The following IQCH variants were observed in gnomAD, a reference collection of about 807,000 sequenced individuals.
IQCH encodes IQ motif containing H.
In IQCH, 98 loss-of-function variants were observed where a neutral mutation model predicts 117.0. The ratio of observed to expected loss-of-function variants is 0.84; its 90% CI spans 0.71 to 0.99. The LOEUF (loss-of-function observed/expected upper bound fraction) is 0.99, where lower values mean the gene tolerates loss of function less well. IQCH is among the 50% of genes least tolerant of loss of function. The pLI, the probability that IQCH is intolerant of heterozygous loss-of-function variation, is 0.00. For missense variants in IQCH, 1,102 were observed against 1,243.8 expected (o/e 0.89, Z 1.72); for synonymous variants, 412 against 448.2 (o/e 0.92, Z 1.02).
chr15:67,349,297 G>A (rs1231942215), intron 6 of IQCH, among the ~76,000 whole-genome samples: 1 of 152,094 alleles, frequency 6.6e-6, no homozygotes, highest in Non-Finnish European at 1.5e-5. Flanking sequence ...ATACTCTTTG[G>A]AACACAGTGT....
rs1218946131 is a variant in IQCH at position 67,386,082 on chromosome 15, C to CA, written c.1456+1071dup. Among the ~76,000 whole-genome samples the CA allele has an allele frequency of 2.0e-5, 3 of 151,872 alleles. No homozygotes were observed. Among genetic ancestry groups the CA allele is most frequent in the South Asian group, 2.1e-4 (1 of 4,822 alleles). On this transcript the variant is annotated intron_variant, in intron 11 of 20. Transcript: ENST00000335894. The surrounding 1 kb of genome is among the most constrained non-coding windows in gnomAD (Gnocchi z 5.0). ...GCACTCAGATTGTTTTTCAGCATTACAAAAAAAATTTTTAATGACTTAAGA... is the reference window on the plus strand; with the variant it reads ...GCACTCAGATTGTTTTTCAGCATTACAAAAAAAAATTTTTAATGACTTAAGA...
At position 67,445,871 on chromosome 15, in the gene IQCH, C is replaced by T. The variant is rs894351010; in HGVS notation, c.2506-19256C>T. 5.3e-5 allele frequency among the ~76,000 whole-genome samples: 8 copies of T among 152,216 alleles called. No individual in the cohort carries two copies. The highest frequency in any genetic ancestry group is 1.9e-4 in the African/African-American group (8 of 41,446). On this transcript the variant is annotated intron_variant, in intron 16 of 20. Transcript: ENST00000335894. This position sits in a 1 kb window ranked among gnomAD's most constrained non-coding sequence, Gnocchi z 4.3. ...AATGCAACAAAATTCACCTCCCATA[C>T]AGAGGACACAGGTAGGAAATATAAA...
Position 67,387,347 on chromosome 15 carries a change from G to T in IQCH, c.1457-1484G>T, listed in dbSNP as rs1353954821. Among the ~76,000 whole-genome samples the T allele has an allele frequency of 6.6e-6, 1 of 152,100 alleles. No individual in the cohort carries two copies. Reference sequence around the variant, plus strand: ...CTATGTATGTATGCCCTGCGTCTAGGTGTAAAAGACCTTCCCAACTTTGCG... The same window carrying T: ...CTATGTATGTATGCCCTGCGTCTAGTTGTAAAAGACCTTCCCAACTTTGCG... On this transcript the variant is annotated intron_variant, in intron 11 of 20. Transcript: ENST00000335894. This position sits in a 1 kb window ranked among gnomAD's most constrained non-coding sequence, Gnocchi z 4.8.
rs1201675686 is a variant in IQCH at position 67,384,079 on chromosome 15, A to G, written c.1373-857A>G. ...TGTGTGTTTGGGCTCACTAACCACA[A>G]GGAGGCATTGAAGCATCTCTTCAAA... is the stretch of plus-strand genomic sequence containing the variant. On this transcript the variant is annotated intron_variant, in intron 10 of 20. Coordinates refer to ENST00000335894, the MANE Select transcript of IQCH (RefSeq NM_001031715.3). This position sits in a 1 kb window ranked among gnomAD's most constrained non-coding sequence, Gnocchi z 4.3. Among the ~76,000 whole-genome samples, 1 of 152,222 alleles carries G rather than the reference A, an allele frequency of 6.6e-6. No individual in the cohort carries two copies. The highest frequency in any genetic ancestry group is 1.5e-5 in the Non-Finnish European group (1 of 68,030).
intron 14 of IQCH, among the ~76,000 whole-genome samples, chr15:67,409,340 A>G (rs2081384455): frequency 6.6e-6 from 1 of 152,192 alleles, no homozygotes. Context: ...GGGTGAGCCT[A>G]GAAAGAAAAC....
chr15:67,395,374 G>C lies in IQCH; in HGVS notation c.1716G>C (p.Glu572Asp). Residue 572 changes from glutamate (E) to aspartate (D), a missense_variant, in exon 13 of 21, where the codon GAG becomes GAC. Transcript: ENST00000335894. The surrounding 1 kb of genome is among the most constrained non-coding windows in gnomAD (Gnocchi z 4.0). ...KRIKNLIRGTEAYIVSGLLHR... is the reference protein window; with the variant it reads ...KRIKNLIRGTDAYIVSGLLHR... ...TAAAAAATCTCATCCGAGGAACAGA[G>C]GCCTACATCGTCAGCGGGCTCCTCC... 6.2e-7 allele frequency: 1 copy of C among 1,614,056 alleles called. No homozygotes were observed. Among genetic ancestry groups the C allele is most frequent in the Non-Finnish European group, 8.5e-7 (1 of 1,179,982 alleles).
At chr15:67,442,973 C>T (rs917383405) in intron 16 of IQCH, among the ~76,000 whole-genome samples, 1 of 150,978 alleles carries the variant, frequency 6.6e-6, no homozygotes, top group African/African-American at 2.4e-5. Flanking sequence ...TTGTAGTCAC[C>T]TGGATGAGAC....
intron 4 of IQCH, chr15:67,304,467 G>A: frequency 7.6e-7 from 1 of 1,310,394 alleles, no homozygotes; most frequent in Non-Finnish European, 1.1e-6. Context: ...TAAGTAATGA[G>A]TTGTTTTAAT....
chr15:67,408,602 A>C lies in IQCH; in HGVS notation c.2097+8297A>C, dbSNP rs2081365095. On this transcript the variant is annotated intron_variant, in intron 14 of 20. Transcript: ENST00000335894. The surrounding 1 kb of genome is among the most constrained non-coding windows in gnomAD (Gnocchi z 4.2). ...GATTAACTAAAGTCACTGCTTGCCC[A>C]TTCCTTTTGCATAAAATTAAAATAT... 6.6e-6 allele frequency: 1 copy of C among 152,176 alleles called. No homozygotes were observed. The highest frequency in any genetic ancestry group is 1.5e-5 in the Non-Finnish European group (1 of 68,032). The allele number at this position is 152,176 out of a possible 1,614,324, so 9.4% of individuals were successfully genotyped here. A position where few individuals can be genotyped will look rare whatever the true frequency, so the allele number is the denominator to read the frequency against.
At position 67,366,416 on chromosome 15, in the gene IQCH, T is replaced by A. The variant is rs1368190294; in HGVS notation, c.754-5695T>A. Among the ~76,000 whole-genome samples the A allele has an allele frequency of 2.0e-5, 3 of 152,238 alleles. No individual in the cohort carries two copies. The highest frequency in any genetic ancestry group is 7.2e-5 in the African/African-American group (3 of 41,466). ...AAAATCTTCTTGATTCTATTCTGTT[T>A]GATCTTCAACCAGATTTTGATCCAT... On this transcript the variant is annotated intron_variant, in intron 8 of 20. Transcript: ENST00000335894. This position sits in a 1 kb window ranked among gnomAD's most constrained non-coding sequence, Gnocchi z 4.4.
In IQCH at chr15:67,481,935, T is replaced by A. The variant is rs1450322330; in HGVS notation, c.2799+6117T>A. On this transcript the variant is annotated intron_variant, in intron 18 of 20. Transcript: ENST00000335894. The surrounding 1 kb of genome is among the most constrained non-coding windows in gnomAD (Gnocchi z 4.1). ...AGGCAGGAAGTGGGTGAGAAAGTTT[T>A]AAAATTGCTAAGGATGGCTTGTGCC... Among the ~76,000 whole-genome samples the A allele has an allele frequency of 6.6e-6, 1 of 152,164 alleles. No individual in the cohort carries two copies. The highest frequency in any genetic ancestry group is 1.5e-5 in the Non-Finnish European group (1 of 68,020).
intron 5 of IQCH, among the ~76,000 whole-genome samples, chr15:67,338,239 C>CTATT (rs1555455391): frequency 6.7e-6 from 1 of 149,842 alleles, no homozygotes; most frequent in Non-Finnish European, 1.5e-5. Flanking sequence ...ATCTATCTAT[C>CTATT]TATCTATCTG....
At chr15:67,355,414 G>A (rs1052039940) in intron 6 of IQCH, among the ~76,000 whole-genome samples, 6 of 151,898 alleles carry the variant, frequency 4.0e-5, no homozygotes, top group South Asian at 2.1e-4. Context: ...GTGAAACCCC[G>A]TCTCTACCAA....
chr15:67,451,465 CTTCAT>C (rs2082525369), intron 16 of IQCH, among the ~76,000 whole-genome samples: 2 of 152,030 alleles, frequency 1.3e-5, no homozygotes, highest in African/African-American at 4.8e-5. Flanking sequence ...TTATTTCTGC[CTTCAT>C]TTCATTATTT....
chr15:67,281,768 T>G, intron 4 of IQCH: 1 of 454,820 alleles, frequency 2.2e-6, no homozygotes, highest in Non-Finnish European at 4.4e-6. Flanking sequence ...TATGTCAAAG[T>G]ACATATTTTG....
chr15:67,320,829 A>G (rs79961565), intron 4 of IQCH, among the ~76,000 whole-genome samples: 1,584 of 152,294 alleles, frequency 0.01, 26 homozygotes, highest in African/African-American at 0.037. Context: ...ATTCCATGCA[A>G]AAAGAGTATT....
intron 8 of IQCH, among the ~76,000 whole-genome samples, chr15:67,362,377 G>T (rs1386711902): frequency 6.6e-6 from 1 of 152,006 alleles, no homozygotes; most frequent in African/African-American, 2.4e-5. Context: ...ATTTATATTG[G>T]TGTAGAAAGA....
In IQCH at chr15:67,271,313, G is replaced by C. The variant is rs1035015929; in HGVS notation, c.270-8082G>C. Among the ~76,000 whole-genome samples the C allele has an allele frequency of 1.8e-4, 27 of 152,154 alleles. 1 individual carries two copies. The highest frequency in any genetic ancestry group is 6.5e-4 in the African/African-American group (27 of 41,430). On this transcript the variant is annotated intron_variant, in intron 3 of 20. Transcript: ENST00000335894. Reference sequence around the variant, plus strand: ...ATGTATTGTTGAATTTGGTTTGCTAGGATTTCGTTGAAGATTTTTGCATCT... The same window carrying C: ...ATGTATTGTTGAATTTGGTTTGCTACGATTTCGTTGAAGATTTTTGCATCT...
intron 1 of IQCH, 69 bp downstream of exon 1, chr15:67,255,016 C>G: frequency 1.4e-6 from 2 of 1,470,222 alleles, no homozygotes; most frequent in Non-Finnish European, 1.9e-6. Flanking sequence ...TCCCGCGCGC[C>G]GATTCACCGA....
Sources: gnomAD v4.1 joint callset for allele counts (sites outside exome capture counted in the v4.1 genomes callset) on GRCh38, gnomAD v4.1.1 for gene constraint, Gnocchi (gnomAD v3.1) non-coding constraint, MANE v1.5 for transcripts, NCBI Gene and HGNC (gene_info 2026-07-23, HGNC 2026-07-21) for gene names.